Variants in SYCE2 observed in about 807,000 individuals in gnomAD.
The protein encoded by SYCE2 is central element synaptonemal complex 1.
SYCE2 carries 3 observed loss-of-function variants against 27.9 expected under a neutral mutation model. That is an observed-to-expected ratio of 0.11 (90% CI 0.05 to 0.28). The LOEUF is 0.28. Ranked by LOEUF, SYCE2 falls within the 10% of genes least tolerant of loss-of-function variation. The probability of loss-of-function intolerance (pLI) is 1.00; values close to 1 mark genes in which losing one functional copy is unlikely to be tolerated. For missense variants in SYCE2, 207 were observed against 263.5 expected, an observed-to-expected ratio of 0.79 and a Z score of 1.48; for synonymous variants, 85 against 100.7, an observed-to-expected ratio of 0.84 and a Z score of 0.93.
chr19:12,913,818 G>A (rs539229941), intron 2 of SYCE2, among the ~76,000 whole-genome samples: 14 of 152,216 alleles, frequency 9.2e-5, no homozygotes, highest in African/African-American at 3.1e-4. Context: ...GCAAACAAAC[G>A]ACTTCAACCA....
chr19:12,905,766 T>C (rs569375861), intron 2 of SYCE2, among the ~76,000 whole-genome samples: 1 of 152,286 alleles, frequency 6.6e-6, no homozygotes, highest in South Asian at 2.1e-4. Flanking sequence ...GCCTCCTGAA[T>C]AGGTGGGACT....
chr19:12,903,342 C>T (rs1269762644), intron 3 of SYCE2, among the ~76,000 whole-genome samples: 5 of 151,356 alleles, frequency 3.3e-5, no homozygotes, highest in Admixed American at 6.6e-5. Flanking sequence ...CTGCCCGCCT[C>T]GGCCTCCCAA....
chr19:12,909,310 A>G (rs529351249), intron 2 of SYCE2, among the ~76,000 whole-genome samples: 2 of 152,334 alleles, frequency 1.3e-5, no homozygotes, highest in East Asian at 3.9e-4. Context: ...TGAGGACCCA[A>G]GAATATATGA....
At chr19:12,908,465 C>T (rs1175001717) in intron 2 of SYCE2, among the ~76,000 whole-genome samples, 1 of 151,950 alleles carries the variant, frequency 6.6e-6, no homozygotes, top group Non-Finnish European at 1.5e-5. Flanking sequence ...GCTGGGACTA[C>T]AGGCGCCCGC....
intron 2 of SYCE2, among the ~76,000 whole-genome samples, chr19:12,914,441 G>A (rs895581089): frequency 7.9e-5 from 12 of 152,054 alleles, no homozygotes; most frequent in South Asian, 4.2e-4. Context: ...CATCATGGCC[G>A]GGAAACATCC....
chr19:12,904,242 C>G (rs1465377508), intron 3 of SYCE2, among the ~76,000 whole-genome samples: 1 of 152,184 alleles, frequency 6.6e-6, no homozygotes, highest in African/African-American at 2.4e-5. Flanking sequence ...CTCTGTAGGA[C>G]TATTCTAAGG....
intron 2 of SYCE2, among the ~76,000 whole-genome samples, chr19:12,914,701 C>A: frequency 6.6e-6 from 1 of 152,186 alleles, no homozygotes; most frequent in Non-Finnish European, 1.5e-5. Context: ...CCTCTGCCTC[C>A]CAGGTTCAAG....
At chr19:12,914,574 T>C (rs1364438386) in intron 2 of SYCE2, among the ~76,000 whole-genome samples, 2 of 139,266 alleles carry the variant, frequency 1.4e-5, no homozygotes, top group Non-Finnish European at 3.1e-5. Flanking sequence ...CCACACATTC[T>C]CCCTCCCAAC....
At position 12,919,236 on chromosome 19, in the gene SYCE2, C is replaced by T; in HGVS notation, c.15+7G>A. The T allele has an allele frequency of 1.9e-6, 3 of 1,611,292 alleles. No individual in the cohort carries two copies. The highest frequency in any genetic ancestry group is 2.5e-6 in the Non-Finnish European group (3 of 1,180,010). On this transcript the variant is annotated splice_region_variant and intron_variant, in intron 1 of 5. Transcript: ENST00000293695. ...CCACGCGCGAGAAGGAAACAAGCGC[C>T]GCGTACTCCCTGTCGCTCCATTCCG... is the stretch of plus-strand genomic sequence containing the variant.
At chr19:12,911,687 G>C (rs544830517) in intron 2 of SYCE2, among the ~76,000 whole-genome samples, 2 of 143,954 alleles carry the variant, frequency 1.4e-5, no homozygotes, top group Non-Finnish European at 3.0e-5. Flanking sequence ...CCACGATCTC[G>C]GCTCACTGCA....
In SYCE2 at chr19:12,899,988, G is replaced by A. The variant is rs1157955534; in HGVS notation, c.612+16C>T. 1 of 1,612,988 alleles carries A rather than the reference G, an allele frequency of 6.2e-7. No homozygotes were observed. The highest frequency in any genetic ancestry group is 8.5e-7 in the Non-Finnish European group (1 of 1,179,954). On this transcript the variant is annotated intron_variant, in intron 5 of 5. Transcript: ENST00000293695. ...CATCTGACCCCAAGGTGTCAGGCCG[G>A]TTTACTGGTAACCACCTGAGAAGTA... is the stretch of plus-strand genomic sequence containing the variant.
At position 12,914,803 on chromosome 19, in the gene SYCE2, T is replaced by C. The variant is rs1309333250; in HGVS notation, c.131+3419A>G. Among the ~76,000 whole-genome samples, 3 of 152,118 alleles carry C rather than the reference T, an allele frequency of 2.0e-5. No individual in the cohort carries two copies. In the East Asian group the frequency reaches 5.8e-4, roughly 29 times the overall value. On this transcript the variant is annotated intron_variant, in intron 2 of 5. Transcript: ENST00000293695. ...TTTGTATTTTTAGTAGAGACGGGGT[T>C]TTGCCATGTTGGCCAGGCTGGTCTT...
chr19:12,900,673 C>A (rs199658516), intron 3 of SYCE2, 25 bp from the exon 4 acceptor site: 2 of 1,595,744 alleles, frequency 1.3e-6, no homozygotes, highest in South Asian at 2.2e-5. Flanking sequence ...GATGTGTTCT[C>A]GGAAAATCAA....
chr19:12,902,112 A>G (rs1017674808), intron 3 of SYCE2, among the ~76,000 whole-genome samples: 7 of 152,150 alleles, frequency 4.6e-5, no homozygotes, highest in African/African-American at 1.7e-4. Flanking sequence ...AGTATTCAGT[A>G]TGGTAACATG....
chr19:12,899,843 C>T, intron 5 of SYCE2, 161 bp downstream of exon 5: 1 of 1,572,092 alleles, frequency 6.4e-7, no homozygotes. Flanking sequence ...GCAACTCCGT[C>T]TGCTGCAGCT....
chr19:12,919,230 A>G lies in SYCE2; in HGVS notation c.15+13T>C. The stretch of plus-strand genomic sequence containing the variant: ...CCCGCCCCACGCGCGAGAAGGAAAC[A>G]AGCGCCGCGTACTCCCTGTCGCTCC... On this transcript the variant is annotated intron_variant, in intron 1 of 5. Coordinates refer to ENST00000293695, the MANE Select transcript of SYCE2 (RefSeq NM_001105578.2). The G allele has an allele frequency of 6.2e-7, 1 of 1,611,164 alleles. No homozygotes were observed. The highest frequency in any genetic ancestry group is 2.2e-5 in the East Asian group (1 of 44,884).
intron 5 of SYCE2, 143 bp downstream of exon 5, chr19:12,899,861 T>A (rs1970795439): frequency 2.0e-5 from 32 of 1,585,942 alleles, no homozygotes; most frequent in Non-Finnish European, 2.5e-5. Flanking sequence ...GCTGACCCCC[T>A]CACACTGAGT....
intron 2 of SYCE2, among the ~76,000 whole-genome samples, chr19:12,914,801 G>T (rs1443984705): frequency 3.9e-5 from 6 of 152,124 alleles, no homozygotes; most frequent in Non-Finnish European, 7.3e-5. Flanking sequence ...TAGAGACGGG[G>T]TTTTGCCATG....
chr19:12,917,659 C>T (rs1328661273), intron 2 of SYCE2, among the ~76,000 whole-genome samples: 70 of 79,372 alleles, frequency 8.8e-4, no homozygotes, highest in South Asian at 2.6e-3. Flanking sequence ...CCATTCCTGG[C>T]TTTTTTTTTT....
Sources: gnomAD v4.1 joint callset for allele counts (sites outside exome capture counted in the v4.1 genomes callset) on GRCh38, gnomAD v4.1.1 for gene constraint, MANE v1.5 for transcripts, NCBI Gene and HGNC (gene_info 2026-07-23, HGNC 2026-07-21) for gene names.